RALGAPA1: variants seen among roughly 807,000 people sequenced by gnomAD.
The protein encoded by RALGAPA1 is Ral GTPase activating protein catalytic subunit alpha 1.
Under a neutral mutation model 269.6 loss-of-function variants are expected in RALGAPA1, and 52 were observed. That is an observed-to-expected ratio of 0.19 (90% CI 0.15 to 0.24). The LOEUF (loss-of-function observed/expected upper bound fraction) is 0.24. Ranked by LOEUF, RALGAPA1 falls within the 10% of genes least tolerant of loss-of-function variation. The pLI is 1.00. For missense variants in RALGAPA1, 1,917 were observed against 3,013.9 expected (o/e 0.64, Z 8.52); for synonymous variants, 817 against 1,008.3 (o/e 0.81, Z 3.60).
intron 39 of RALGAPA1, among the ~76,000 whole-genome samples, chr14:35,554,946 T>C (rs1174871259): frequency 1.3e-5 from 2 of 152,306 alleles, no homozygotes; most frequent in South Asian, 2.1e-4. Flanking sequence ...GATTAGGAGA[T>C]GTCTGTTATG....
chr14:35,619,354 T>TA (rs2060459027), intron 35 of RALGAPA1, among the ~76,000 whole-genome samples: 1 of 152,084 alleles, frequency 6.6e-6, no homozygotes, highest in Non-Finnish European at 1.5e-5. Context: ...TATATACACC[T>TA]ACAGGGAAAT....
At chr14:35,738,054 C>T (rs1204489973) in intron 12 of RALGAPA1, among the ~76,000 whole-genome samples, 1 of 150,862 alleles carries the variant, frequency 6.6e-6, no homozygotes, top group East Asian at 1.9e-4. Flanking sequence ...CACCATTGCA[C>T]TCCAGCCTGG....
Position 35,557,214 on chromosome 14 carries a change from T to C in RALGAPA1, c.7497-7980A>G, listed in dbSNP as rs193059067. ...TATCTGGATTTCAAATTTAGTGAAA[T>C]TATAATGTCCTCTCATTTAATGAAA... On this transcript the variant is annotated intron_variant, in intron 39 of 41. Coordinates refer to ENST00000680220, the MANE Select transcript of RALGAPA1 (RefSeq NM_001346249.2). 1.9e-3 allele frequency among the ~76,000 whole-genome samples: 294 copies of C among 151,058 alleles called. 1 individual carries two copies. Among genetic ancestry groups the C allele is most frequent in the African/African-American group, 6.3e-3 (259 of 41,262 alleles).
intron 3 of RALGAPA1, among the ~76,000 whole-genome samples, chr14:35,772,552 G>A (rs140896757): frequency 1.8e-4 from 27 of 152,204 alleles, no homozygotes; most frequent in Non-Finnish European, 2.9e-4. Context: ...TCATCCACTT[G>A]CTGAATGACA....
intron 39 of RALGAPA1, among the ~76,000 whole-genome samples, chr14:35,566,792 G>T (rs2056747839): frequency 6.6e-6 from 1 of 150,390 alleles, no homozygotes; most frequent in Admixed American, 6.6e-5. Flanking sequence ...TTATATAAAT[G>T]TTCATTTGAA....
intron 4 of RALGAPA1, 107 bp downstream of exon 4, chr14:35,770,835 T>G (rs1691139882): frequency 2.5e-6 from 1 of 403,448 alleles, no homozygotes; most frequent in Non-Finnish European, 4.6e-6. Context: ...ATTTTCTTTT[T>G]ATTAAAGCAT....
chr14:35,755,085 C>A (rs935305927), intron 7 of RALGAPA1, among the ~76,000 whole-genome samples: 1 of 152,140 alleles, frequency 6.6e-6, no homozygotes, highest in East Asian at 1.9e-4. Flanking sequence ...TGGTGGCTCA[C>A]GCCTATAATC....
At chr14:35,672,777 G>C in intron 25 of RALGAPA1, 90 bp downstream of exon 25, 1 of 1,232,398 alleles carries the variant, frequency 8.1e-7, no homozygotes, top group Non-Finnish European at 1.1e-6. Flanking sequence ...TTAACTTCTA[G>C]ACCTTAAAAA....
chr14:35,606,682 T>C (rs577274338), intron 35 of RALGAPA1, among the ~76,000 whole-genome samples: 60 of 152,134 alleles, frequency 3.9e-4, no homozygotes, highest in African/African-American at 1.2e-3. Flanking sequence ...TTACTTTAGG[T>C]TGATTTAACA....
Position 35,651,806 on chromosome 14 carries a change from C to A in RALGAPA1, c.5675G>T (p.Arg1892Met). The A allele has an allele frequency of 6.3e-7, 1 of 1,595,918 alleles. No homozygotes were observed. Among genetic ancestry groups the A allele is most frequent in the Non-Finnish European group, 8.5e-7 (1 of 1,173,774 alleles). The change falls in exon 31 of 42, where the codon AGG becomes ATG. Residue 1892 changes from arginine to methionine, a missense_variant and splice_region_variant. Coordinates refer to ENST00000680220, the MANE Select transcript of RALGAPA1 (RefSeq NM_001346249.2). ...TEASSYEMDK[R>M]LVVSLLLCLL... ...ATCATCAAACAAAATTTAAATTACC[C>A]TCTTGTCCATTTCATAAGATGAAGC...
intron 6 of RALGAPA1, among the ~76,000 whole-genome samples, chr14:35,757,409 C>T (rs1469457389): frequency 2.6e-5 from 4 of 151,974 alleles, no homozygotes; most frequent in Non-Finnish European, 4.4e-5. Flanking sequence ...TGTGAGCCAC[C>T]GTGCCTGGCC....
At chr14:35,733,525 C>A (rs146614244) in intron 12 of RALGAPA1, among the ~76,000 whole-genome samples, 1 of 151,818 alleles carries the variant, frequency 6.6e-6, no homozygotes, top group African/African-American at 2.4e-5. Flanking sequence ...CCAAACTGAA[C>A]GACAATAATG....
intron 33 of RALGAPA1, among the ~76,000 whole-genome samples, chr14:35,633,301 G>A (rs1435217372): frequency 1.3e-5 from 2 of 151,914 alleles, no homozygotes; most frequent in South Asian, 2.1e-4. Flanking sequence ...ATCTTATTAC[G>A]TCAAATCTAA....
intron 35 of RALGAPA1, among the ~76,000 whole-genome samples, chr14:35,613,061 A>T (rs1594812795): frequency 6.6e-6 from 1 of 151,964 alleles, no homozygotes; most frequent in East Asian, 1.9e-4. Flanking sequence ...GTAAAAGACC[A>T]ATTTTATTTT....
At position 35,539,483 on chromosome 14, in the gene RALGAPA1, T is replaced by A; in HGVS notation, c.*231A>T. The stretch of plus-strand genomic sequence containing the variant: ...TGGCAGACATGAAGGCCTGAAAGGG[T>A]TAACCCTATGTTCGTGCTAAGGTGG... On this transcript the variant is annotated 3_prime_UTR_variant, in exon 42 of 42. Coordinates refer to ENST00000680220, the MANE Select transcript of RALGAPA1 (RefSeq NM_001346249.2). The A allele has an allele frequency of 6.4e-7, 1 of 1,561,326 alleles. No homozygotes were observed. Among genetic ancestry groups the A allele is most frequent in the Non-Finnish European group, 8.7e-7 (1 of 1,153,044 alleles).
chr14:35,594,982 A>G (rs772050412), intron 37 of RALGAPA1, among the ~76,000 whole-genome samples: 2 of 152,070 alleles, frequency 1.3e-5, no homozygotes, highest in South Asian at 4.1e-4. Context: ...AGATTCTGCC[A>G]CTTGCTACAC....
intron 1 of RALGAPA1, among the ~76,000 whole-genome samples, chr14:35,791,904 CAAAAAAA>C (rs773722682): frequency 2.5e-4 from 3 of 11,774 alleles, no homozygotes; most frequent in Admixed American, 1.0e-3. Flanking sequence ...GACTCTGTCT[CAAAAAAA>C]AAAAAAAAAA....
rs2057298142 is a variant in RALGAPA1 at position 35,572,701 on chromosome 14, A to G, written c.7227T>C (p.Asn2409=). ...CTGACCAAACAATGTGCACTTCATC[A>G]TTTCCCAAATGTCTCAACTGGAAAG... is the stretch of plus-strand genomic sequence containing the variant. The part of the protein sequence containing the change: ...SLTKKLRHLG[N]DEVHIVWSEH... Residue 2409 remains asparagine (N), a synonymous_variant, in exon 38 of 42, where the codon AAT becomes AAC. Transcript: ENST00000680220. 1.9e-6 allele frequency: 3 copies of G among 1,595,050 alleles called. No homozygotes were observed. Among genetic ancestry groups the G allele is most frequent in the African/African-American group, 2.7e-5 (2 of 73,992 alleles).
rs73235257 is a variant in RALGAPA1, at chr14:35,790,162, A to G, written c.107-14417T>C. Among the ~76,000 whole-genome samples, 516 of 152,060 alleles carry G rather than the reference A, an allele frequency of 3.4e-3. 3 individuals are homozygous for G. Among genetic ancestry groups the G allele is most frequent in the African/African-American group, 0.012 (478 of 41,472 alleles). Reference sequence around the variant, plus strand: ...CAGTTACTCCAAAGGCTGAGGCATGAGAATAGCTTGAACCCTGGAGGCAGT... The same window carrying G: ...CAGTTACTCCAAAGGCTGAGGCATGGGAATAGCTTGAACCCTGGAGGCAGT... On this transcript the variant is annotated intron_variant, in intron 1 of 41. Transcript: ENST00000680220.
Sources: allele counts gnomAD v4.1 joint callset (sites outside exome capture counted in the v4.1 genomes callset), GRCh38; gene constraint gnomAD v4.1.1; transcripts MANE v1.5; gene names NCBI Gene and HGNC (gene_info 2026-07-23, HGNC 2026-07-21).